FHIT: variants seen among roughly 807,000 people sequenced by gnomAD.
FHIT encodes the protein bis(5'-adenosyl)-triphosphatase.
FHIT carries 19 observed loss-of-function variants against 17.9 expected under a neutral mutation model. The observed-to-expected ratio is 1.06, with a 90% CI of 0.74 to 1.56. FHIT has a LOEUF of 1.56. FHIT is among the 40% of genes most tolerant of loss of function. FHIT has a pLI of 0.00. For missense variants in FHIT, 248 were observed against 189.2 expected, an observed-to-expected ratio of 1.31 and a Z score of -1.82; for synonymous variants, 81 against 69.7, an observed-to-expected ratio of 1.16 and a Z score of -0.81.
chr3:60,134,945 TAGAGG>T (rs1347042904), intron 5 of FHIT, among the ~76,000 whole-genome samples: 5 of 148,254 alleles, frequency 3.4e-5, no homozygotes, highest in African/African-American at 1.0e-4. Context: ...AAATATGGAG[TAGAGG>T]AAAGAGAAAG....
At chr3:59,954,678 A>G (rs1190920776) in intron 7 of FHIT, among the ~76,000 whole-genome samples, 2 of 152,218 alleles carry the variant, frequency 1.3e-5, no homozygotes, top group Admixed American at 1.3e-4. Context: ...ATGCATGTTG[A>G]ACATGTTCCA....
At chr3:60,867,394 A>G (rs1704213797) in intron 3 of FHIT, among the ~76,000 whole-genome samples, 1 of 152,236 alleles carries the variant, frequency 6.6e-6, no homozygotes, top group Admixed American at 6.5e-5. Flanking sequence ...CATATCAAAG[A>G]CAGTGAAGGC....
At chr3:59,981,938 C>G (rs918678968) in intron 7 of FHIT, among the ~76,000 whole-genome samples, 3 of 149,068 alleles carry the variant, frequency 2.0e-5, no homozygotes, top group African/African-American at 7.4e-5. Context: ...ACTGCCACTC[C>G]TTTTTGCTGC....
intron 5 of FHIT, among the ~76,000 whole-genome samples, chr3:60,028,759 C>G (rs756462205): frequency 1.3e-5 from 2 of 151,972 alleles, no homozygotes; most frequent in Non-Finnish European, 2.9e-5. Context: ...ATATGTAACC[C>G]AAGGAATTTA....
intron 4 of FHIT, among the ~76,000 whole-genome samples, chr3:60,540,725 A>G (rs889028948): frequency 6.6e-5 from 10 of 152,196 alleles, no homozygotes; most frequent in African/African-American, 1.9e-4. Flanking sequence ...AATATTCTCA[A>G]TGACACAGAA....
rs189156168 is a variant in FHIT, at chr3:61,094,366, A to G, written c.-163-52267T>C. Among the ~76,000 whole-genome samples the G allele has an allele frequency of 2.0e-5, 3 of 152,322 alleles. No homozygotes were observed. In the East Asian group the frequency reaches 5.8e-4, roughly 29 times the overall value. Reference sequence around the variant, plus strand: ...TGCAACCTTGCATAACTGACAGAACAATAACTTCTTTGCATCTCACATGCA... The same window carrying G: ...TGCAACCTTGCATAACTGACAGAACGATAACTTCTTTGCATCTCACATGCA... On this transcript the variant is annotated intron_variant, in intron 2 of 9. Transcript: ENST00000492590.
intron 5 of FHIT, among the ~76,000 whole-genome samples, chr3:60,502,096 G>A (rs242227): frequency 2.3e-4 from 35 of 152,302 alleles, no homozygotes; most frequent in Middle Eastern, 3.4e-3. Flanking sequence ...TTTGGATCCA[G>A]TAGAGGAGGC....
At chr3:59,913,440 T>C (rs1704979419) in intron 8 of FHIT, among the ~76,000 whole-genome samples, 1 of 152,222 alleles carries the variant, frequency 6.6e-6, no homozygotes, top group African/African-American at 2.4e-5. Context: ...GAGCTGGTTA[T>C]GAGGTTTTGA....
chr3:60,190,755 A>C (rs566918509), intron 5 of FHIT, among the ~76,000 whole-genome samples: 74 of 152,218 alleles, frequency 4.9e-4, no homozygotes, highest in African/African-American at 1.7e-3. Flanking sequence ...CCTAAAACTT[A>C]AAGTATAATA....
chr3:60,616,881 A>G (rs2038966732), intron 4 of FHIT: 1 of 152,832 alleles, frequency 6.5e-6, no homozygotes, highest in African/African-American at 2.4e-5. Context: ...AATCTCTGGT[A>G]TATGAGAACT....
intron 5 of FHIT, among the ~76,000 whole-genome samples, chr3:60,030,199 C>T (rs556525490): frequency 6.6e-6 from 1 of 152,248 alleles, no homozygotes; most frequent in South Asian, 2.1e-4. Context: ...AGGGAGATTA[C>T]ATAATGAGTA....
chr3:61,201,800 T>C (rs561835806), intron 1 of FHIT, among the ~76,000 whole-genome samples: 1 of 152,252 alleles, frequency 6.6e-6, no homozygotes, highest in African/African-American at 2.4e-5. Context: ...TTGGAGAATA[T>C]TAGATAAAAT....
intron 5 of FHIT, among the ~76,000 whole-genome samples, chr3:60,258,336 G>A (rs887165333): frequency 3.3e-5 from 5 of 152,126 alleles, no homozygotes; most frequent in East Asian, 3.9e-4. Flanking sequence ...CATCTCCATC[G>A]TTCCTCAGGA....
At chr3:61,067,490 A>G (rs947952870) in intron 2 of FHIT, among the ~76,000 whole-genome samples, 13 of 149,926 alleles carry the variant, frequency 8.7e-5, no homozygotes, top group Non-Finnish European at 1.6e-4. Flanking sequence ...CCAACCCAAG[A>G]AGCTCACCTG....
At chr3:61,074,960 T>A (rs2034926038) in intron 2 of FHIT, among the ~76,000 whole-genome samples, 1 of 152,052 alleles carries the variant, frequency 6.6e-6, no homozygotes, top group Non-Finnish European at 1.5e-5. Flanking sequence ...ACCAGACACA[T>A]GGAAAAGCCA....
intron 3 of FHIT, among the ~76,000 whole-genome samples, chr3:60,838,718 T>A (rs975324806): frequency 4.0e-5 from 6 of 151,744 alleles, no homozygotes; most frequent in African/African-American, 1.5e-4. Flanking sequence ...ATAAACCGGA[T>A]CCTATCGAAT....
chr3:60,155,315 T>A (rs1700634644), intron 5 of FHIT, among the ~76,000 whole-genome samples: 1 of 152,150 alleles, frequency 6.6e-6, no homozygotes, highest in South Asian at 2.1e-4. Flanking sequence ...GAACCCTGAA[T>A]TGCTCCACCA....
At chr3:60,079,296 T>C (rs1365691102) in intron 5 of FHIT, among the ~76,000 whole-genome samples, 2 of 152,262 alleles carry the variant, frequency 1.3e-5, no homozygotes, top group South Asian at 2.1e-4. Context: ...TCCTCACACA[T>C]GCTTTTAAAT....
chr3:59,970,208 T>C (rs747492838), intron 7 of FHIT, among the ~76,000 whole-genome samples: 4 of 152,148 alleles, frequency 2.6e-5, no homozygotes, highest in East Asian at 1.9e-4. Context: ...ATAAATGTAC[T>C]GTAAAAAACG....
Sources: gnomAD v4.1 joint callset for allele counts (sites outside exome capture counted in the v4.1 genomes callset) on GRCh38, gnomAD v4.1.1 for gene constraint, MANE v1.5 for transcripts, NCBI Gene and HGNC (gene_info 2026-07-23, HGNC 2026-07-21) for gene names.